Variants in HDAC9 observed in about 807,000 individuals in gnomAD.
HDAC9 encodes the protein MEF-2 interacting transcription repressor (MITR) protein.
HDAC9 carries 41 observed loss-of-function variants against 139.4 expected under a neutral mutation model. The ratio of observed to expected loss-of-function variants is 0.29; its 90% CI spans 0.23 to 0.38. The LOEUF is 0.38. Ranked by LOEUF, HDAC9 falls within the 10% of genes least tolerant of loss-of-function variation. The pLI, the probability that HDAC9 is intolerant of heterozygous loss-of-function variation, is 1.00. For missense variants in HDAC9, 1,147 were observed against 1,297.0 expected (o/e 0.88, Z 1.78); for synonymous variants, 517 against 476.2 (o/e 1.09, Z -1.12).
At chr7:18,880,273 C>T (rs564129667) in intron 22 of HDAC9, among the ~76,000 whole-genome samples, 64 of 152,138 alleles carry the variant, frequency 4.2e-4, no homozygotes, top group African/African-American at 1.4e-3. Flanking sequence ...GCTAAAAGTA[C>T]AACCACCATT....
chr7:18,866,940 A>G (rs775251605), intron 21 of HDAC9, among the ~76,000 whole-genome samples: 1 of 152,172 alleles, frequency 6.6e-6, no homozygotes, highest in African/African-American at 2.4e-5. Flanking sequence ...AGTTCCAGAA[A>G]TCTGATTCTG....
At chr7:18,188,785 C>T (rs1790104802) in intron 2 of HDAC9, among the ~76,000 whole-genome samples, 1 of 152,162 alleles carries the variant, frequency 6.6e-6, no homozygotes, top group Admixed American at 6.5e-5. Context: ...ATCAAAACCA[C>T]AATGAGATAC....
rs895464715 is a variant in HDAC9, at chr7:18,789,937, T to C, written c.2215-3408T>C. ...GATGCTATCACTAATATAGGGAAAT[T>C]GGTTGGAGAGATTGACAACCAATGA... On this transcript the variant is annotated intron_variant, in intron 16 of 25. Transcript: ENST00000686413. Among the ~76,000 whole-genome samples, 5 of 152,282 alleles carry C rather than the reference T, an allele frequency of 3.3e-5. No individual in the cohort carries two copies. The South Asian group carries it at 6.2e-4, about 19-fold the overall frequency.
At chr7:18,330,510 T>TCAGAAAAACCAA (rs936065671) in intron 1 of HDAC9, among the ~76,000 whole-genome samples, 3 of 151,500 alleles carry the variant, frequency 2.0e-5, no homozygotes, top group African/African-American at 7.3e-5. Context: ...GATATTAACT[T>TCAGAAAAACCAA]CAGAAAAACC....
intron 21 of HDAC9, among the ~76,000 whole-genome samples, chr7:18,866,263 T>C (rs921055902): frequency 6.6e-6 from 1 of 151,874 alleles, no homozygotes; most frequent in Non-Finnish European, 1.5e-5. Context: ...TAGGTACCCC[T>C]GTCTCAACGT....
At chr7:18,601,233 T>TA (rs1833858537) in intron 6 of HDAC9, among the ~76,000 whole-genome samples, 1 of 152,248 alleles carries the variant, frequency 6.6e-6, no homozygotes, top group African/African-American at 2.4e-5. Context: ...GGTATTGATG[T>TA]AAATGTTACT....
chr7:18,470,206 A>G (rs1346279501), intron 1 of HDAC9, among the ~76,000 whole-genome samples: 2 of 151,872 alleles, frequency 1.3e-5, no homozygotes, highest in Non-Finnish European at 2.9e-5. Context: ...CTAGCTACTC[A>G]GGAGGCTCAG....
chr7:18,611,569 A>G lies in HDAC9; in HGVS notation c.664+17540A>G, dbSNP rs111289767. ...GTCTGATTTTCTTTATTATGGCAGTATGTACAATGCCAGGTTTGAAGACAG... is the reference window on the plus strand; with the variant it reads ...GTCTGATTTTCTTTATTATGGCAGTGTGTACAATGCCAGGTTTGAAGACAG... On this transcript the variant is annotated intron_variant, in intron 6 of 25. Transcript: ENST00000686413. 3.2e-3 allele frequency among the ~76,000 whole-genome samples: 488 copies of G among 152,252 alleles called. 4 individuals carry two copies. Among genetic ancestry groups the G allele is most frequent in the African/African-American group, 0.011 (460 of 41,566 alleles).
At chr7:18,553,538 A>T (rs1011634550) in intron 2 of HDAC9, among the ~76,000 whole-genome samples, 1 of 152,210 alleles carries the variant, frequency 6.6e-6, no homozygotes, top group Non-Finnish European at 1.5e-5. Context: ...TTATCATTTT[A>T]TTCTGCACTT....
chr7:18,894,356 T>C (rs1800978273), intron 22 of HDAC9, among the ~76,000 whole-genome samples: 1 of 152,072 alleles, frequency 6.6e-6, no homozygotes, highest in South Asian at 2.1e-4. Context: ...GGGGGAGCCA[T>C]ATGAAGCCTG....
At chr7:18,280,064 A>T (rs1207557058) in intron 2 of HDAC9, among the ~76,000 whole-genome samples, 3 of 152,198 alleles carry the variant, frequency 2.0e-5, no homozygotes, top group Non-Finnish European at 4.4e-5. Context: ...ATATTTAAGG[A>T]CCTACGTCAG....
At chr7:18,938,779 C>T (rs1781830687) in intron 23 of HDAC9, among the ~76,000 whole-genome samples, 1 of 152,176 alleles carries the variant, frequency 6.6e-6, no homozygotes. Context: ...TAATAATCTA[C>T]TGCATATTGC....
intron 2 of HDAC9, among the ~76,000 whole-genome samples, chr7:18,272,056 T>C (rs999744685): frequency 1.3e-5 from 2 of 152,192 alleles, no homozygotes; most frequent in Non-Finnish European, 2.9e-5. Flanking sequence ...TCATCACCAA[T>C]GTACTGATTT....
chr7:18,349,313 C>T (rs1782671106), intron 1 of HDAC9, among the ~76,000 whole-genome samples: 1 of 41,574 alleles, frequency 2.4e-5, no homozygotes, highest in Non-Finnish European at 6.5e-5. Context: ...CATCTACACA[C>T]ACACACACAC....
intron 25 of HDAC9, among the ~76,000 whole-genome samples, chr7:18,983,658 A>G (rs1785106401): frequency 6.6e-6 from 1 of 152,196 alleles, no homozygotes; most frequent in African/African-American, 2.4e-5. Flanking sequence ...CTTCATAAAA[A>G]TCTTCCAAAC....
intron 2 of HDAC9, among the ~76,000 whole-genome samples, chr7:18,175,683 C>A (rs1306317145): frequency 6.6e-6 from 1 of 151,766 alleles, no homozygotes; most frequent in Non-Finnish European, 1.5e-5. Context: ...GACTCATGAC[C>A]ATATTATTGG....
At chr7:18,112,913 A>T (rs772580658) in intron 1 of HDAC9, among the ~76,000 whole-genome samples, 12 of 151,948 alleles carry the variant, frequency 7.9e-5, no homozygotes, top group Non-Finnish European at 2.9e-5. Context: ...GGTTTGGGAG[A>T]GCGTTTGTTT....
chr7:18,358,616 G>A (rs1269130998), intron 1 of HDAC9, among the ~76,000 whole-genome samples: 1 of 152,168 alleles, frequency 6.6e-6, no homozygotes, highest in South Asian at 2.1e-4. Context: ...AACTTGATAA[G>A]TATACCTACA....
At chr7:18,967,451 T>C (rs927492376) in intron 24 of HDAC9, among the ~76,000 whole-genome samples, 59 of 151,178 alleles carry the variant, frequency 3.9e-4, no homozygotes, top group African/African-American at 1.3e-3. Context: ...TCTATATTTT[T>C]CATTCAATTT....
Sources: allele counts gnomAD v4.1 joint callset (sites outside exome capture counted in the v4.1 genomes callset), GRCh38; gene constraint gnomAD v4.1.1; transcripts MANE v1.5; gene names NCBI Gene and HGNC (gene_info 2026-07-23, HGNC 2026-07-21).